SHISA6: variants seen among roughly 807,000 people sequenced by gnomAD.
SHISA6 encodes the protein shisa family member 6.
SHISA6 carries 22 observed loss-of-function variants against 47.9 expected under a neutral mutation model. The ratio of observed to expected loss-of-function variants is 0.46; its 90% CI spans 0.33 to 0.66. SHISA6 has a LOEUF of 0.66. Among genes scored for constraint, SHISA6 ranks in the 30% least tolerant of loss-of-function variants. SHISA6 has a pLI of 0.02. For missense variants in SHISA6, 680 were observed against 764.6 expected (o/e 0.89, Z 1.30); for synonymous variants, 388 against 337.8 (o/e 1.15, Z -1.63).
chr17:11,241,420 G>T lies in SHISA6; in HGVS notation c.-3G>T. On this transcript the variant is annotated 5_prime_UTR_variant, in exon 1 of 6. Transcript: ENST00000441885. This position sits in a 1 kb window ranked among gnomAD's most constrained non-coding sequence, Gnocchi z 5.5. Reference sequence around the variant, plus strand: ...TCCCCGCGCCCTCCCGCCCGGCCCCGCCATGGCGCTGCGGCGCCTCCTGCT... The same window carrying T: ...TCCCCGCGCCCTCCCGCCCGGCCCCTCCATGGCGCTGCGGCGCCTCCTGCT... The T allele has an allele frequency of 8.8e-7, 1 of 1,135,292 alleles. No homozygotes were observed. Among genetic ancestry groups the T allele is most frequent in the Non-Finnish European group, 1.1e-6 (1 of 915,604 alleles). 70.3% of individuals were successfully genotyped at this position (1,135,292 alleles called of 1,614,324 possible). A position where few individuals can be genotyped will look rare whatever the true frequency, so the allele number is the denominator to read the frequency against.
intron 3 of SHISA6, among the ~76,000 whole-genome samples, chr17:11,519,049 G>A (rs1332051180): frequency 6.6e-6 from 1 of 152,142 alleles, no homozygotes; most frequent in Non-Finnish European, 1.5e-5. Flanking sequence ...TTCCTCACGT[G>A]TTATTGGAAA....
At chr17:11,317,829 C>T (rs991431461) in intron 2 of SHISA6, among the ~76,000 whole-genome samples, 1 of 147,844 alleles carries the variant, frequency 6.8e-6, no homozygotes, top group Non-Finnish European at 1.5e-5. Context: ...TTTTATTATT[C>T]TAGATATAAT....
intron 2 of SHISA6, among the ~76,000 whole-genome samples, chr17:11,333,893 T>C (rs1011800936): frequency 1.3e-5 from 2 of 152,146 alleles, no homozygotes; most frequent in African/African-American, 2.4e-5. Flanking sequence ...CTGGAGAGCA[T>C]GTGGAGGCGC....
chr17:11,382,024 TTGG>T (rs1913026577), intron 3 of SHISA6, among the ~76,000 whole-genome samples: 1 of 151,984 alleles, frequency 6.6e-6, no homozygotes, highest in African/African-American at 2.4e-5. Flanking sequence ...AGGTTGGTGG[TTGG>T]GGGTAGTGGG....
intron 2 of SHISA6, among the ~76,000 whole-genome samples, chr17:11,375,453 A>T (rs1415745611): frequency 3.3e-5 from 5 of 152,146 alleles, no homozygotes; most frequent in Non-Finnish European, 7.3e-5. Flanking sequence ...AACTGTCCTG[A>T]TCAGTTTGTT....
At chr17:11,414,158 T>C (rs1016577649) in intron 3 of SHISA6, among the ~76,000 whole-genome samples, 3 of 151,874 alleles carry the variant, frequency 2.0e-5, no homozygotes, top group Non-Finnish European at 4.4e-5. Flanking sequence ...ATCTTTCTTC[T>C]GTACTCCTCC....
At position 11,241,455 on chromosome 17, in the gene SHISA6, G is replaced by T; in HGVS notation, c.33G>T (p.Leu11=). 2 of 1,209,490 alleles carry T rather than the reference G, an allele frequency of 1.7e-6. No individual in the cohort carries two copies. The highest frequency in any genetic ancestry group is 1.7e-5 in the South Asian group (1 of 60,224). 74.9% of individuals were successfully genotyped at this position (1,209,490 alleles called of 1,614,324 possible). A position where few individuals can be genotyped will look rare whatever the true frequency, so the allele number is the denominator to read the frequency against. The change falls in exon 1 of 6, where the codon CTG becomes CTT. Residue 11 remains leucine (L), a synonymous_variant. Coordinates refer to ENST00000441885, the MANE Select transcript of SHISA6 (RefSeq NM_207386.4). This position sits in a 1 kb window ranked among gnomAD's most constrained non-coding sequence, Gnocchi z 5.5. MALRRLLLLL[L]LSLESLDLLP... ...TGCGGCGCCTCCTGCTGCTGCTGCT[G>T]CTCTCGCTGGAGTCCCTGGACCTGC...
intron 3 of SHISA6, among the ~76,000 whole-genome samples, chr17:11,412,524 T>G (rs905317174): frequency 1.3e-5 from 2 of 150,548 alleles, no homozygotes; most frequent in African/African-American, 2.5e-5. Flanking sequence ...AGCATGGTTG[T>G]GAAGAACACT....
At chr17:11,328,716 A>G (rs561511861) in intron 2 of SHISA6, among the ~76,000 whole-genome samples, 2 of 152,360 alleles carry the variant, frequency 1.3e-5, no homozygotes, top group South Asian at 2.1e-4. Context: ...GACAGACAAC[A>G]CACAAATGAA....
intron 3 of SHISA6, among the ~76,000 whole-genome samples, chr17:11,398,812 C>T (rs1344742822): frequency 6.6e-6 from 1 of 152,040 alleles, no homozygotes; most frequent in Non-Finnish European, 1.5e-5. Flanking sequence ...AGGATGGTCT[C>T]GATCTCTTGA....
intron 3 of SHISA6, among the ~76,000 whole-genome samples, chr17:11,541,417 G>A (rs934974837): frequency 1.3e-5 from 2 of 152,192 alleles, no homozygotes. Context: ...ACCTGAAGGA[G>A]GCAGAGGAAG....
intron 3 of SHISA6, among the ~76,000 whole-genome samples, chr17:11,381,756 A>T (rs1913017087): frequency 6.6e-6 from 1 of 151,466 alleles, no homozygotes; most frequent in South Asian, 2.1e-4. Context: ...CATCCAGGAG[A>T]CCCTCCCCTG....
At chr17:11,256,700 C>T (rs985457173) in intron 1 of SHISA6, among the ~76,000 whole-genome samples, 26 of 152,216 alleles carry the variant, frequency 1.7e-4, no homozygotes, top group Middle Eastern at 3.4e-3. Flanking sequence ...ACGTTTTCAA[C>T]GAATTCTCAG....
At chr17:11,365,558 G>T (rs576258866) in intron 2 of SHISA6, among the ~76,000 whole-genome samples, 47 of 152,262 alleles carry the variant, frequency 3.1e-4, no homozygotes, top group South Asian at 8.3e-4. Context: ...GATTACAGGC[G>T]TGAGCCACTG....
chr17:11,327,963 TA>T (rs1567574198), intron 2 of SHISA6, among the ~76,000 whole-genome samples: 3 of 149,940 alleles, frequency 2.0e-5, no homozygotes, highest in Non-Finnish European at 4.4e-5. Context: ...CTCTCTCTCA[TA>T]GATACACACA....
chr17:11,537,071 G>A (rs1010553711), intron 3 of SHISA6, among the ~76,000 whole-genome samples: 1 of 150,768 alleles, frequency 6.6e-6, no homozygotes, highest in African/African-American at 2.4e-5. Context: ...TTCCCTGTGT[G>A]GGCATGACAA....
chr17:11,378,947 G>A (rs1310859729), intron 2 of SHISA6, among the ~76,000 whole-genome samples: 1 of 152,074 alleles, frequency 6.6e-6, no homozygotes, highest in African/African-American at 2.4e-5. Flanking sequence ...ATAAAGGAAA[G>A]AGTGGTGGGA....
chr17:11,248,235 C>T (rs531190783), intron 1 of SHISA6, among the ~76,000 whole-genome samples: 5 of 152,250 alleles, frequency 3.3e-5, no homozygotes, highest in African/African-American at 9.6e-5. Context: ...TTTTTAATCT[C>T]TCGAAGTGAA....
At chr17:11,372,757 A>G (rs1376704398) in intron 2 of SHISA6, among the ~76,000 whole-genome samples, 2 of 151,630 alleles carry the variant, frequency 1.3e-5, no homozygotes, top group Admixed American at 1.3e-4. Flanking sequence ...TCTGTGGTAT[A>G]TTTTTCCATA....
Sources: allele counts gnomAD v4.1 joint callset (sites outside exome capture counted in the v4.1 genomes callset), GRCh38; gene constraint gnomAD v4.1.1; non-coding constraint Gnocchi (gnomAD v3.1); transcripts MANE v1.5; gene names NCBI Gene and HGNC (gene_info 2026-07-23, HGNC 2026-07-21).